Variants in LYST observed in about 807,000 individuals in gnomAD.
LYST encodes the protein lysosomal trafficking regulator.
In LYST, 192 loss-of-function variants were observed where a neutral mutation model predicts 413.6. The ratio of observed to expected loss-of-function variants is 0.46; its 90% CI spans 0.41 to 0.52. The LOEUF is 0.52. Among genes scored for constraint, LYST ranks in the 20% least tolerant of loss-of-function variants. The probability of loss-of-function intolerance (pLI) is 0.00; values close to 1 mark genes in which losing one functional copy is unlikely to be tolerated. For missense variants in LYST, 3,815 were observed against 4,499.9 expected (o/e 0.85, Z 4.35); for synonymous variants, 1,525 against 1,567.3 (o/e 0.97, Z 0.64).
chr1:235,859,579 A>C (rs1238165849), intron 1 of LYST, among the ~76,000 whole-genome samples: 1 of 151,948 alleles, frequency 6.6e-6, no homozygotes, highest in African/African-American at 2.4e-5. Flanking sequence ...CACCAAACTG[A>C]AGAAAACTGA....
intron 50 of LYST, among the ~76,000 whole-genome samples, chr1:235,669,371 A>G (rs556300408): frequency 3.0e-3 from 455 of 152,382 alleles, no homozygotes; most frequent in Non-Finnish European, 5.5e-3. Flanking sequence ...CTAACTTTCC[A>G]GGCCTAAAGA....
chr1:235,737,781 A>G (rs1664947743), intron 31 of LYST: 1 of 399,352 alleles, frequency 2.5e-6, no homozygotes, highest in Non-Finnish European at 3.4e-6. Flanking sequence ...AAACAAATAC[A>G]AGAATTAGAG....
chr1:235,844,391 C>T (rs1677553807), intron 1 of LYST, among the ~76,000 whole-genome samples: 1 of 152,172 alleles, frequency 6.6e-6, no homozygotes, highest in Non-Finnish European at 1.5e-5. Flanking sequence ...TCTAACCCCA[C>T]ATTCTACAGT....
At chr1:235,860,377 T>A (rs1004909137) in intron 1 of LYST, among the ~76,000 whole-genome samples, 4 of 152,128 alleles carry the variant, frequency 2.6e-5, no homozygotes, top group Non-Finnish European at 4.4e-5. Flanking sequence ...ACAGTTTACA[T>A]TAGGATTCAC....
At chr1:235,838,368 C>CAA (rs1391183206) in intron 1 of LYST, among the ~76,000 whole-genome samples, 1 of 152,144 alleles carries the variant, frequency 6.6e-6, no homozygotes, top group Non-Finnish European at 1.5e-5. Flanking sequence ...GGTGGACTGT[C>CAA]AAATACTCCA....
chr1:235,809,425 C>A lies in LYST; in HGVS notation c.1393G>T (p.Ala465Ser). ...ATTAGGGCTTTCAAATGCTCTGAGGCCTCGGGAGGAACTCCATCTCTTAAA... is the reference window on the plus strand; with the variant it reads ...ATTAGGGCTTTCAAATGCTCTGAGGACTCGGGAGGAACTCCATCTCTTAAA... ...LVLRDGVPPEASEHLKALINS... is the reference protein window; with the variant it reads ...LVLRDGVPPESSEHLKALINS... The change falls in exon 5 of 53, where the codon GCC becomes TCC. Residue 465 changes from alanine to serine, a missense_variant. Coordinates refer to ENST00000389793, the MANE Select transcript of LYST (RefSeq NM_000081.4). This position sits in a 1 kb window ranked among gnomAD's most constrained non-coding sequence, Gnocchi z 4.0. The A allele has an allele frequency of 1.2e-6, 2 of 1,613,910 alleles. No individual in the cohort carries two copies. Among genetic ancestry groups the A allele is most frequent in the South Asian group, 1.1e-5 (1 of 91,070 alleles).
intron 44 of LYST, among the ~76,000 whole-genome samples, chr1:235,704,349 T>C (rs752592323): frequency 6.6e-5 from 10 of 152,218 alleles, no homozygotes; most frequent in Middle Eastern, 3.2e-3. Flanking sequence ...TCCACAGTGG[T>C]TGAACTAATT....
chr1:235,764,797 C>G (rs563144986), intron 21 of LYST, among the ~76,000 whole-genome samples: 1 of 152,270 alleles, frequency 6.6e-6, no homozygotes, highest in African/African-American at 2.4e-5. Context: ...GCCACCGTGC[C>G]TGGCCCCATT....
chr1:235,742,316 G>A (rs1665489537), intron 30 of LYST, among the ~76,000 whole-genome samples: 1 of 151,988 alleles, frequency 6.6e-6, no homozygotes, highest in African/African-American at 2.4e-5. Context: ...TTGGCTGGGT[G>A]TGGTGGTGGG....
At chr1:235,679,196 G>A (rs1659617889) in intron 48 of LYST, among the ~76,000 whole-genome samples, 1 of 152,204 alleles carries the variant, frequency 6.6e-6, no homozygotes, top group Non-Finnish European at 1.5e-5. Flanking sequence ...ACAACAGCAA[G>A]AGTAGTAAGC....
At chr1:235,720,094 G>A (rs1410760535) in intron 40 of LYST, among the ~76,000 whole-genome samples, 1 of 139,886 alleles carries the variant, frequency 7.1e-6, no homozygotes, top group Non-Finnish European at 1.5e-5. Context: ...AGAATCGCTT[G>A]AACCCGGGAG....
chr1:235,793,463 A>C (rs1443042332), intron 11 of LYST, 40 bp downstream of exon 11: 1 of 924,768 alleles, frequency 1.1e-6, no homozygotes, highest in South Asian at 1.5e-5. Context: ...TAAGTGAAAG[A>C]ATTTATCAGT....
intron 28 of LYST, among the ~76,000 whole-genome samples, chr1:235,748,735 G>T (rs1356736153): frequency 1.3e-5 from 2 of 152,156 alleles, no homozygotes; most frequent in Non-Finnish European, 2.9e-5. Context: ...CAATAAAATG[G>T]TATCTAACTC....
intron 1 of LYST, among the ~76,000 whole-genome samples, chr1:235,861,175 T>C (rs1242387726): frequency 6.6e-6 from 1 of 152,228 alleles, no homozygotes; most frequent in East Asian, 1.9e-4. Context: ...GTTAAAATAG[T>C]GAAAAGCTCT....
At chr1:235,722,348 G>C (rs1174107863) in intron 39 of LYST, among the ~76,000 whole-genome samples, 2 of 152,204 alleles carry the variant, frequency 1.3e-5, no homozygotes, top group African/African-American at 4.8e-5. Flanking sequence ...CTGCTGTGTT[G>C]AGAATAATCT....
At chr1:235,804,763 A>C in intron 6 of LYST, 98 bp from the exon 7 acceptor site, 1 of 755,944 alleles carries the variant, frequency 1.3e-6, no homozygotes, top group Non-Finnish European at 2.2e-6. Context: ...GTATAAAGCT[A>C]ATCCATTTAT....
exon 1 of LYST, chr1:235,883,259 G>A (rs528264091): frequency 6.6e-6 from 1 of 152,368 alleles, no homozygotes; most frequent in Non-Finnish European, 1.5e-5. Context: ...CGTCTTCCCA[G>A]GTAGCTGCAA....
rs182724436 is a variant in LYST at position 235,662,570 on chromosome 1, T to C, written c.*370A>G. ...ATTTTAGTGTGTTTTATATAAACAA[T>C]CAACCAACCAATTTAAATTCTACTG... On this transcript the variant is annotated 3_prime_UTR_variant, in exon 53 of 53. Coordinates refer to ENST00000389793, the MANE Select transcript of LYST (RefSeq NM_000081.4). The C allele has an allele frequency of 4.2e-4, 129 of 306,072 alleles. No individual in the cohort carries two copies. The highest frequency in any genetic ancestry group is 2.8e-3 in the African/African-American group (127 of 46,044). The allele number at this position is 306,072 out of a possible 1,614,324, so 19.0% of individuals were successfully genotyped here. A position where few individuals can be genotyped will look rare whatever the true frequency, so the allele number is the denominator to read the frequency against.
chr1:235,874,703 T>C (rs1681066301), intron 1 of LYST, among the ~76,000 whole-genome samples: 1 of 152,224 alleles, frequency 6.6e-6, no homozygotes, highest in African/African-American at 2.4e-5. Context: ...CTTCCTTTTA[T>C]GATACAGAAA....
Sources: gnomAD v4.1 joint callset for allele counts (sites outside exome capture counted in the v4.1 genomes callset) on GRCh38, gnomAD v4.1.1 for gene constraint, Gnocchi (gnomAD v3.1) non-coding constraint, MANE v1.5 for transcripts, NCBI Gene and HGNC (gene_info 2026-07-23, HGNC 2026-07-21) for gene names.